OCA2: variants seen among roughly 807,000 people sequenced by gnomAD.
OCA2 encodes the protein P protein.
Under a neutral mutation model 100.2 loss-of-function variants are expected in OCA2, and 77 were observed. The observed-to-expected ratio is 0.77, with a 90% CI of 0.64 to 0.93. OCA2 has a LOEUF of 0.93. Ranked by LOEUF, OCA2 falls within the 40% of genes least tolerant of loss-of-function variation. The pLI is 0.00. For missense variants in OCA2, 1,062 were observed against 1,089.1 expected (o/e 0.98, Z 0.35); for synonymous variants, 432 against 439.2 (o/e 0.98, Z 0.21).
intron 19 of OCA2, among the ~76,000 whole-genome samples, chr15:27,905,665 C>G (rs972320558): frequency 2.6e-5 from 4 of 152,362 alleles, no homozygotes; most frequent in Admixed American, 6.5e-5. Flanking sequence ...AAGCGGGGTT[C>G]CGCAAGGCAG....
At chr15:27,943,962 C>T (rs745541621) in intron 18 of OCA2, among the ~76,000 whole-genome samples, 1 of 152,192 alleles carries the variant, frequency 6.6e-6, no homozygotes, top group Non-Finnish European at 1.5e-5. Context: ...ACCTTGGGTA[C>T]ATGTTCTCAG....
chr15:27,952,927 T>C (rs564482036), intron 17 of OCA2, among the ~76,000 whole-genome samples: 13 of 152,140 alleles, frequency 8.5e-5, no homozygotes, highest in African/African-American at 3.1e-4. Flanking sequence ...AAGCAATGCG[T>C]CCACCTCTGC....
At chr15:28,029,884 A>G (rs2042864090) in intron 3 of OCA2, among the ~76,000 whole-genome samples, 1 of 152,228 alleles carries the variant, frequency 6.6e-6, no homozygotes, top group Non-Finnish European at 1.5e-5. Flanking sequence ...ACGTTTTGTA[A>G]GCAAAGCTGA....
intron 19 of OCA2, among the ~76,000 whole-genome samples, chr15:27,912,452 G>A (rs972540330): frequency 2.6e-5 from 4 of 152,038 alleles, no homozygotes; most frequent in Non-Finnish European, 4.4e-5. Flanking sequence ...GTCTAAAGAC[G>A]ACAGGAGCCA....
intron 19 of OCA2, among the ~76,000 whole-genome samples, chr15:27,879,374 A>T (rs1351160141): frequency 6.6e-6 from 1 of 152,152 alleles, no homozygotes; most frequent in African/African-American, 2.4e-5. Context: ...TATACCCAGC[A>T]ATGGAATTGC....
intron 19 of OCA2, among the ~76,000 whole-genome samples, chr15:27,905,329 A>G (rs1334137354): frequency 9.2e-5 from 14 of 152,194 alleles, no homozygotes; most frequent in Admixed American, 3.3e-4. Flanking sequence ...GAGAACCCCA[A>G]AAGTGTAAAA....
At chr15:27,842,203 T>G (rs1367438676) in intron 23 of OCA2, among the ~76,000 whole-genome samples, 1 of 152,156 alleles carries the variant, frequency 6.6e-6, no homozygotes, top group African/African-American at 2.4e-5. Flanking sequence ...CAATAGAGTA[T>G]AAAGTATAAA....
intron 19 of OCA2, among the ~76,000 whole-genome samples, chr15:27,913,816 G>GAAAGAAAGAAAGAAAGAAAGAAAGAA (rs1555430747): frequency 3.0e-5 from 2 of 66,152 alleles, no homozygotes; most frequent in African/African-American, 1.1e-4. Context: ...AAAAAAAAAA[G>GAAAGAAAGAAAGAAAGAAAGAAAGAA]AGAAAGAAAG....
chr15:28,061,592 G>A (rs1220927438), intron 2 of OCA2, among the ~76,000 whole-genome samples: 1 of 152,156 alleles, frequency 6.6e-6, no homozygotes, highest in Non-Finnish European at 1.5e-5. Context: ...CATATTAAAA[G>A]AGGCCCAGAG....
intron 17 of OCA2, among the ~76,000 whole-genome samples, chr15:27,953,515 G>T (rs948254605): frequency 1.9e-4 from 29 of 152,232 alleles, no homozygotes; most frequent in African/African-American, 6.5e-4. Context: ...GCTCAGAGGA[G>T]AGTGATGCGG....
intron 21 of OCA2, among the ~76,000 whole-genome samples, chr15:27,854,834 C>T (rs148216758): frequency 1.3e-5 from 2 of 152,230 alleles, no homozygotes; most frequent in East Asian, 3.9e-4. Flanking sequence ...GAACACGGCA[C>T]GCCACCCGGA....
chr15:27,811,842 C>T (rs951283374), intron 23 of OCA2, among the ~76,000 whole-genome samples: 8 of 152,098 alleles, frequency 5.3e-5, no homozygotes, highest in African/African-American at 1.9e-4. Flanking sequence ...ATCTAAGTGT[C>T]GGTGGAACTT....
At chr15:28,080,405 A>G (rs945331685) in intron 2 of OCA2, among the ~76,000 whole-genome samples, 2 of 152,256 alleles carry the variant, frequency 1.3e-5, no homozygotes, top group African/African-American at 4.8e-5. Flanking sequence ...ATGGTAGCAT[A>G]TTCACATAAT....
intron 1 of OCA2, among the ~76,000 whole-genome samples, chr15:28,088,543 A>G (rs1255410379): frequency 6.6e-6 from 1 of 152,168 alleles, no homozygotes; most frequent in Non-Finnish European, 1.5e-5. Flanking sequence ...GTTCTTTTCT[A>G]TTTTCCCTAA....
At chr15:27,953,390 G>A (rs2040102523) in intron 17 of OCA2, among the ~76,000 whole-genome samples, 1 of 152,188 alleles carries the variant, frequency 6.6e-6, no homozygotes, top group African/African-American at 2.4e-5. Context: ...GCTCATGGCT[G>A]GGCCAGCCCC....
At chr15:27,858,079 A>G (rs527436585) in intron 21 of OCA2, among the ~76,000 whole-genome samples, 2 of 152,250 alleles carry the variant, frequency 1.3e-5, no homozygotes, top group Admixed American at 1.3e-4. Flanking sequence ...ATATGCAGAA[A>G]AGAAATACAT....
chr15:28,073,420 G>A (rs6497260), intron 2 of OCA2, among the ~76,000 whole-genome samples: 37,969 of 152,064 alleles, frequency 0.25, 9,388 homozygotes, highest in African/African-American at 0.64. Flanking sequence ...ATCTCAAAAA[G>A]AAAGAATGAA....
intron 23 of OCA2, among the ~76,000 whole-genome samples, chr15:27,784,318 A>G (rs2032697829): frequency 6.6e-6 from 1 of 152,198 alleles, no homozygotes; most frequent in South Asian, 2.1e-4. Flanking sequence ...GGGTAACCAT[A>G]GCAACAGCAA....
intron 1 of OCA2, among the ~76,000 whole-genome samples, chr15:28,085,822 A>G (rs993970026): frequency 6.6e-6 from 1 of 152,230 alleles, no homozygotes; most frequent in Non-Finnish European, 1.5e-5. Context: ...AAGTACAACT[A>G]AAAACCTGAT....
Sources: gnomAD v4.1 joint callset for allele counts (sites outside exome capture counted in the v4.1 genomes callset) on GRCh38, gnomAD v4.1.1 for gene constraint, MANE v1.5 for transcripts, NCBI Gene and HGNC (gene_info 2026-07-23, HGNC 2026-07-21) for gene names.